The following SRGAP3 variants were observed in gnomAD, a reference collection of about 807,000 sequenced individuals.
SRGAP3 encodes the protein SLIT-ROBO Rho GTPase-activating protein 3.
A neutral mutation model predicts 121.1 loss-of-function variants in SRGAP3; 39 were observed. That is an observed-to-expected ratio of 0.32 (90% CI 0.25 to 0.42). The LOEUF (loss-of-function observed/expected upper bound fraction) is 0.42, where lower values mean the gene tolerates loss of function less well. Ranked by LOEUF, SRGAP3 falls within the 10% of genes least tolerant of loss-of-function variation. SRGAP3 has a pLI of 1.00. For missense variants in SRGAP3, 1,213 were observed against 1,470.6 expected (o/e 0.82, Z 2.86); for synonymous variants, 601 against 570.0 (o/e 1.05, Z -0.77).
intron 1 of SRGAP3, among the ~76,000 whole-genome samples, chr3:9,198,867 C>T (rs951862305): frequency 2.0e-5 from 3 of 152,166 alleles, no homozygotes; most frequent in Non-Finnish European, 4.4e-5. Context: ...CTGGAGGAAT[C>T]GGCCAGCACA....
intron 3 of SRGAP3, among the ~76,000 whole-genome samples, chr3:9,086,547 A>G (rs888943927): frequency 1.3e-5 from 2 of 149,722 alleles, no homozygotes; most frequent in African/African-American, 4.9e-5. Context: ...AACCATATAT[A>G]CGTATGTGTG....
At chr3:9,164,276 T>TCTTATTTATTTATTTATTTA (rs1950703530) in intron 1 of SRGAP3, among the ~76,000 whole-genome samples, 1 of 140,772 alleles carries the variant, frequency 7.1e-6, no homozygotes, top group Non-Finnish European at 1.6e-5. Context: ...ACCCAGACTA[T>TCTTATTTATTTATTTATTTA]TTTATTTATT....
In SRGAP3 at chr3:9,193,346, A is replaced by T. The variant is rs112967886; in HGVS notation, c.67+55539T>A. On this transcript the variant is annotated intron_variant, in intron 1 of 21. Transcript: ENST00000383836. Reference sequence around the variant, plus strand: ...TCCCCTTAGCCCTCTGCCCACAGTGATCACTAACTGATTGCTCCTCCTTAA... The same window carrying T: ...TCCCCTTAGCCCTCTGCCCACAGTGTTCACTAACTGATTGCTCCTCCTTAA... 5 of 152,378 alleles carry T rather than the reference A, an allele frequency of 3.3e-5. 1 individual carries two copies. The highest frequency in any genetic ancestry group is 1.2e-4 in the African/African-American group (5 of 41,570). The allele number at this position is 152,378 out of a possible 1,614,324, so 9.4% of individuals were successfully genotyped here. A position where few individuals can be genotyped will look rare whatever the true frequency, so the allele number is the denominator to read the frequency against.
chr3:9,256,446 G>T (rs982827760), intron 3 of SRGAP3, among the ~76,000 whole-genome samples: 1 of 152,154 alleles, frequency 6.6e-6, no homozygotes, highest in Non-Finnish European at 1.5e-5. Context: ...AACTGCCTAG[G>T]AGAGTCTAGG....
At position 9,309,822 on chromosome 3, in the gene SRGAP3, A is replaced by G. The variant is rs1574992515; in HGVS notation, n.442+16188T>C. Reference sequence around the variant, plus strand: ...TGCAGGGAGCCATGATCACCACTGCACTCCAGCCTGGGTGACAGAGTGAGA... The same window carrying G: ...TGCAGGGAGCCATGATCACCACTGCGCTCCAGCCTGGGTGACAGAGTGAGA... On this transcript the variant is annotated intron_variant and non_coding_transcript_variant, in intron 3 of 3. Transcript: ENST00000490889. Among the ~76,000 whole-genome samples the G allele has an allele frequency of 3.3e-5, 5 of 152,144 alleles. No individual in the cohort carries two copies. In the East Asian group the frequency reaches 9.7e-4, roughly 29 times the overall value.
intron 11 of SRGAP3, chr3:9,035,937 C>T (rs1944722093): frequency 6.6e-6 from 1 of 152,344 alleles, no homozygotes. Context: ...CAAGTGATTT[C>T]ACCTCTAATC....
chr3:9,033,911 A>G (rs1315872188), intron 11 of SRGAP3: 1 of 152,236 alleles, frequency 6.6e-6, no homozygotes, highest in Non-Finnish European at 1.5e-5. Flanking sequence ...CCAGGCCACC[A>G]TCATGGAGCC....
At chr3:9,231,694 G>A (rs562184674) in intron 1 of SRGAP3, among the ~76,000 whole-genome samples, 2 of 152,268 alleles carry the variant, frequency 1.3e-5, no homozygotes, top group East Asian at 1.9e-4. Context: ...CTCACAGAGG[G>A]ACAGACACAT....
rs538910537 is a variant in SRGAP3, at chr3:9,030,403, G to A, written c.1539+2247C>T. The stretch of plus-strand genomic sequence containing the variant: ...GCCATTTTGCACCTCCAATGGCATC[G>A]CAAAGCTCAGCTTCAAACGGAGCTT... On this transcript the variant is annotated intron_variant, in intron 12 of 21. Coordinates refer to ENST00000383836, the MANE Select transcript of SRGAP3 (RefSeq NM_014850.4). Among the ~76,000 whole-genome samples, 11 of 152,260 alleles carry A rather than the reference G, an allele frequency of 7.2e-5. No individual in the cohort carries two copies. In the East Asian group the frequency reaches 1.7e-3, roughly 24 times the overall value.
chr3:9,321,954 G>A (rs1214432341), intron 3 of SRGAP3, among the ~76,000 whole-genome samples: 1 of 151,166 alleles, frequency 6.6e-6, no homozygotes, highest in Non-Finnish European at 1.5e-5. Context: ...ACATACCACT[G>A]AACCTGAAAT....
chr3:9,238,617 C>A (rs751468873), intron 1 of SRGAP3, among the ~76,000 whole-genome samples: 1 of 152,132 alleles, frequency 6.6e-6, no homozygotes. Flanking sequence ...CAACTCATCC[C>A]GAACAAGCCC....
At chr3:9,017,775 A>G (rs79882184) in intron 14 of SRGAP3, among the ~76,000 whole-genome samples, 10,510 of 152,290 alleles carry the variant, frequency 0.069, 474 homozygotes, top group East Asian at 0.13. Context: ...TGTAACTGTT[A>G]GATGCATAGA....
intron 1 of SRGAP3, among the ~76,000 whole-genome samples, chr3:9,162,031 T>C (rs961409675): frequency 6.6e-6 from 1 of 152,178 alleles, no homozygotes; most frequent in Non-Finnish European, 1.5e-5. Flanking sequence ...ATGAATGAAC[T>C]TGAAGACATG....
chr3:9,188,410 G>A (rs774573693), intron 1 of SRGAP3, among the ~76,000 whole-genome samples: 178 of 152,264 alleles, frequency 1.2e-3, no homozygotes, highest in Non-Finnish European at 2.1e-3. Flanking sequence ...TAGAGAGAAG[G>A]GCATGAAAGA....
chr3:9,325,025 C>T (rs1955494585), intron 3 of SRGAP3, among the ~76,000 whole-genome samples: 1 of 151,732 alleles, frequency 6.6e-6, no homozygotes, highest in African/African-American at 2.4e-5. Flanking sequence ...AAACTTAGGG[C>T]CTTAGCACCA....
intron 18 of SRGAP3, 29 bp downstream of exon 18, chr3:9,010,279 C>T: frequency 3.7e-6 from 6 of 1,613,746 alleles, no homozygotes; most frequent in Non-Finnish European, 4.2e-6. Context: ...CAGGAAGAAT[C>T]CCTTGTCCCC....
chr3:9,084,372 A>G (rs1008405490), intron 3 of SRGAP3, among the ~76,000 whole-genome samples: 2 of 152,180 alleles, frequency 1.3e-5, no homozygotes, highest in Non-Finnish European at 2.9e-5. Flanking sequence ...ATGGAAGAGA[A>G]AGACTTCTGT....
chr3:9,223,266 C>T (rs1468216026), intron 1 of SRGAP3, among the ~76,000 whole-genome samples: 1 of 152,086 alleles, frequency 6.6e-6, no homozygotes, highest in Non-Finnish European at 1.5e-5. Flanking sequence ...ACCATATGGC[C>T]CACAAAGCCT....
chr3:9,161,112 A>G (rs937235120), intron 1 of SRGAP3, among the ~76,000 whole-genome samples: 1 of 152,262 alleles, frequency 6.6e-6, no homozygotes, highest in Non-Finnish European at 1.5e-5. Context: ...CGAGGAATTG[A>G]ATATTTATGC....
Sources: gnomAD v4.1 joint callset for allele counts (sites outside exome capture counted in the v4.1 genomes callset) on GRCh38, gnomAD v4.1.1 for gene constraint, MANE v1.5 for transcripts, NCBI Gene and HGNC (gene_info 2026-07-23, HGNC 2026-07-21) for gene names.